Variants in SBSPON observed in about 807,000 individuals in gnomAD.
The protein encoded by SBSPON is somatomedin B and thrombospondin type 1 domain containing.
In SBSPON, 30 loss-of-function variants were observed where a neutral mutation model predicts 35.8. The ratio of observed to expected loss-of-function variants is 0.84; its 90% confidence interval spans 0.63 to 1.14. SBSPON has a LOEUF of 1.14. Among genes scored for constraint, SBSPON ranks in the 50% most tolerant of loss-of-function variants. The pLI is 0.00. For synonymous variants in SBSPON, 136 were observed against 135.9 expected, an observed-to-expected ratio of 1.00 and a Z score of 0.00; for missense variants, 364 against 357.7, an observed-to-expected ratio of 1.02 and a Z score of -0.14.
intron 1 of SBSPON, among the ~76,000 whole-genome samples, chr8:73,084,817 T>C (rs1383217999): frequency 1.3e-5 from 2 of 151,364 alleles, no homozygotes; most frequent in Admixed American, 1.3e-4. Flanking sequence ...CTCTCAGAGC[T>C]TGGTGTTCCT....
chr8:73,092,077 T>A (rs966415875), intron 1 of SBSPON, among the ~76,000 whole-genome samples: 1 of 152,236 alleles, frequency 6.6e-6, no homozygotes, highest in Non-Finnish European at 1.5e-5. Flanking sequence ...TATCTTTTAA[T>A]TCAATTAAAC....
In SBSPON at chr8:73,092,571, C is replaced by A. The variant is rs184951802; in HGVS notation, c.214+283G>T. Among the ~76,000 whole-genome samples, 4 of 152,266 alleles carry A rather than the reference C, an allele frequency of 2.6e-5. No homozygotes were observed. The Middle Eastern group carries it at 0.014, about 518-fold the overall frequency. On this transcript the variant is annotated intron_variant, in intron 1 of 4. Transcript: ENST00000297354. ...TTTCTGAGTCGGAGATTTCGTCTCTCGGCTCCCTTCCATCCCGCTGGAGAA... is the reference window on the plus strand; with the variant it reads ...TTTCTGAGTCGGAGATTTCGTCTCTAGGCTCCCTTCCATCCCGCTGGAGAA...
intron 1 of SBSPON, among the ~76,000 whole-genome samples, chr8:73,089,698 A>G (rs1018883926): frequency 3.9e-5 from 6 of 152,246 alleles, no homozygotes; most frequent in Admixed American, 2.6e-4. Flanking sequence ...TCAGAAAATT[A>G]TGATGTAAAT....
intron 1 of SBSPON, among the ~76,000 whole-genome samples, 184 bp from the exon 2 acceptor site, chr8:73,081,397 C>T (rs990572682): frequency 2.6e-5 from 4 of 152,126 alleles, no homozygotes; most frequent in Middle Eastern, 3.2e-3. Flanking sequence ...CTGCCCACCC[C>T]GATGGTGAAT....
At chr8:73,071,328 C>T (rs542768235) in intron 3 of SBSPON, among the ~76,000 whole-genome samples, 2 of 152,248 alleles carry the variant, frequency 1.3e-5, no homozygotes, top group South Asian at 4.1e-4. Flanking sequence ...GTCTGGTATC[C>T]CTTATCTGAC....
At chr8:73,088,613 G>A (rs543591763) in intron 1 of SBSPON, among the ~76,000 whole-genome samples, 1 of 152,242 alleles carries the variant, frequency 6.6e-6, no homozygotes, top group East Asian at 1.9e-4. Flanking sequence ...AAGCAGAAGT[G>A]TGGAGGTTGC....
At chr8:73,077,146 T>TC (rs1479737527) in intron 2 of SBSPON, among the ~76,000 whole-genome samples, 4 of 152,190 alleles carry the variant, frequency 2.6e-5, no homozygotes, top group African/African-American at 9.6e-5. Flanking sequence ...CCTCAGGTGA[T>TC]CCACTCACCT....
chr8:73,071,848 A>G lies in SBSPON; in HGVS notation c.432T>C (p.Ser144=). The change falls in exon 3 of 5, where the codon TCT becomes TCC. Residue 144 remains serine, a synonymous_variant. Coordinates refer to ENST00000297354, the MANE Select transcript of SBSPON (RefSeq NM_153225.4). The part of the protein sequence containing the change: ...HTYVPAFITT[S]AFNKERTRQA... The stretch of plus-strand genomic sequence containing the variant: ...GTCGTGTTCTCTCCTTGTTGAATGC[A>G]GAGGTAGTTATAAAGGCAGGAACTG... 2 of 1,609,320 alleles carry G rather than the reference A, an allele frequency of 1.2e-6. No individual in the cohort carries two copies. The highest frequency in any genetic ancestry group is 1.7e-6 in the Non-Finnish European group (2 of 1,175,684).
chr8:73,088,140 T>C (rs2130040479), intron 1 of SBSPON, among the ~76,000 whole-genome samples: 1 of 152,352 alleles, frequency 6.6e-6, no homozygotes, highest in South Asian at 2.1e-4. Context: ...TTAGTAATTG[T>C]ATAGATTCAA....
At chr8:73,082,814 T>C (rs1306895676) in intron 1 of SBSPON, among the ~76,000 whole-genome samples, 1 of 152,214 alleles carries the variant, frequency 6.6e-6, no homozygotes, top group Non-Finnish European at 1.5e-5. Flanking sequence ...TGAGAAGGAC[T>C]CCTTCTATCC....
intron 2 of SBSPON, 98 bp from the exon 3 acceptor site, chr8:73,071,968 TAAA>T: frequency 1.4e-6 from 1 of 733,060 alleles, no homozygotes; most frequent in Non-Finnish European, 2.5e-6. Flanking sequence ...TCTCCATTCC[TAAA>T]CTCACAGGGC....
intron 1 of SBSPON, 26 bp downstream of exon 1, chr8:73,092,828 G>A: frequency 6.3e-7 from 1 of 1,581,056 alleles, no homozygotes; most frequent in Non-Finnish European, 8.7e-7. Flanking sequence ...AACGGCCGGC[G>A]CCCCACTCTC....
Position 73,078,531 on chromosome 8 carries a change from G to A in SBSPON, c.409+2488C>T, listed in dbSNP as rs185949203. On this transcript the variant is annotated intron_variant, in intron 2 of 4. Coordinates refer to ENST00000297354, the MANE Select transcript of SBSPON (RefSeq NM_153225.4). ...GACCCAGGGCTGAGAAGGTGAGTGC[G>A]ATGGCCTGGTGCCCCACTGAAGAGC... Among the ~76,000 whole-genome samples, 5 of 151,866 alleles carry A rather than the reference G, an allele frequency of 3.3e-5. No homozygotes were observed. In the East Asian group the frequency reaches 5.8e-4, roughly 18 times the overall value.
chr8:73,067,691 C>T (rs965650440), intron 4 of SBSPON, among the ~76,000 whole-genome samples: 1 of 132,408 alleles, frequency 7.6e-6, no homozygotes, highest in East Asian at 2.2e-4. Context: ...CATGCCACCA[C>T]GTCTGGCTAA....
In SBSPON at chr8:73,071,828, G is replaced by T. The variant is rs1404882019; in HGVS notation, c.452C>A (p.Thr151Lys). 13 of 1,610,860 alleles carry T rather than the reference G, an allele frequency of 8.1e-6. No homozygotes were observed. The Admixed American group carries it at 2.2e-4, about 27-fold the overall frequency. ...ITTSAFNKER[T>K]RQATSPHWST... ...CCAGTGTGGAGACGTAGCTTGTCGT[G>T]TTCTCTCCTTGTTGAATGCAGAGGT... The change falls in exon 3 of 5, where the codon ACA becomes AAA. Residue 151 changes from threonine to lysine, a missense_variant. Thr to Lys is a moderately conservative substitution (Grantham distance 78). Coordinates refer to ENST00000297354, the MANE Select transcript of SBSPON (RefSeq NM_153225.4).
intron 3 of SBSPON, among the ~76,000 whole-genome samples, chr8:73,070,901 T>C (rs1810482912): frequency 6.6e-6 from 1 of 152,238 alleles, no homozygotes; most frequent in African/African-American, 2.4e-5. Flanking sequence ...TCTTTAAGAA[T>C]GATAGGTACA....
At chr8:73,069,187 A>G (rs1810446285) in intron 4 of SBSPON, among the ~76,000 whole-genome samples, 1 of 152,126 alleles carries the variant, frequency 6.6e-6, no homozygotes, top group South Asian at 2.1e-4. Flanking sequence ...TTACATCTCC[A>G]TCTCACGAGA....
chr8:73,081,191 T>A lies in SBSPON; in HGVS notation c.237A>T (p.Glu79Asp), dbSNP rs1054572814. 6.3e-7 allele frequency: 1 copy of A among 1,590,990 alleles called. No homozygotes were observed. Among genetic ancestry groups the A allele is most frequent in the Admixed American group, 1.8e-5 (1 of 57,050 alleles). ...ACPARPCFVG[E>D]WSPWSGCADQ... ...CTGCACAACCACTCCAGGGGCTCCA[T>A]TCCCCCACGAAGCACGGGCGAGCTG... is the stretch of plus-strand genomic sequence containing the variant. Residue 79 changes from glutamate to aspartate, a missense_variant, in exon 2 of 5, where the codon GAA (glutamate) becomes GAT (aspartate). Transcript: ENST00000297354.
intron 1 of SBSPON, 67 bp downstream of exon 1, chr8:73,092,787 C>A: frequency 1.6e-6 from 2 of 1,273,716 alleles, no homozygotes. Flanking sequence ...CTTGGCACAG[C>A]GCCCTGCCCT....
Sources: allele counts gnomAD v4.1 joint callset (sites outside exome capture counted in the v4.1 genomes callset), GRCh38; gene constraint gnomAD v4.1.1; transcripts MANE v1.5; gene names NCBI Gene and HGNC (gene_info 2026-07-23, HGNC 2026-07-21).